Variants in FNDC3A observed in about 807,000 individuals in gnomAD.
FNDC3A encodes fibronectin type III domain containing 3A, also known as fibronectin type-III domain-containing protein 3A.
FNDC3A carries 32 observed loss-of-function variants against 148.9 expected under a neutral mutation model. The ratio of observed to expected loss-of-function variants is 0.21; its 90% CI spans 0.16 to 0.29. The LOEUF (loss-of-function observed/expected upper bound fraction) is 0.29. FNDC3A is among the 10% of genes least tolerant of loss of function. FNDC3A has a pLI of 1.00. For synonymous variants in FNDC3A, 472 were observed against 473.6 expected, an observed-to-expected ratio of 1.00 and a Z score of 0.04; for missense variants, 1,191 against 1,452.8, an observed-to-expected ratio of 0.82 and a Z score of 2.93.
At chr13:49,029,781 A>G (rs919114690) in intron 2 of FNDC3A, among the ~76,000 whole-genome samples, 2 of 152,220 alleles carry the variant, frequency 1.3e-5, no homozygotes, top group Non-Finnish European at 2.9e-5. Flanking sequence ...GAGAGTAGAC[A>G]TTACTACAGA....
chr13:49,145,887 TTCTGATCTCAAGTAC>T lies in FNDC3A; in HGVS notation c.931_945del (p.Leu311_Thr315del). The T allele has an allele frequency of 6.2e-7, 1 of 1,613,114 alleles. No individual in the cohort carries two copies. Among genetic ancestry groups the T allele is most frequent in the Non-Finnish European group, 8.5e-7 (1 of 1,179,348 alleles). On this transcript the variant is annotated inframe_deletion, in exon 8 of 26. Coordinates refer to ENST00000492622, the MANE Select transcript of FNDC3A (RefSeq NM_001079673.2). ...GTACCAGAGCTCTATGGTTATGAAG[TTCTGATCTCAAGTAC>T]TGGAAAAGATGGGAAATACAAAAGT...
At chr13:49,070,719 G>C (rs1040980013) in intron 2 of FNDC3A, among the ~76,000 whole-genome samples, 2 of 151,858 alleles carry the variant, frequency 1.3e-5, no homozygotes, top group Non-Finnish European at 2.9e-5. Context: ...CACCTTCCCA[G>C]CCTCCAGTAA....
At chr13:49,144,007 ACTACTG>A (rs1409702659) in intron 7 of FNDC3A, among the ~76,000 whole-genome samples, 6 of 149,792 alleles carry the variant, frequency 4.0e-5, no homozygotes, top group African/African-American at 1.2e-4. Flanking sequence ...TACTACTACT[ACTACTG>A]CTACTACTAC....
At chr13:49,083,083 A>G (rs1878584856) in intron 3 of FNDC3A, among the ~76,000 whole-genome samples, 3 of 152,312 alleles carry the variant, frequency 2.0e-5, no homozygotes, top group African/African-American at 7.2e-5. Context: ...TTAGGAAGTC[A>G]TCATCAATGC....
At chr13:49,000,974 G>A (rs1952113691) in intron 1 of FNDC3A, among the ~76,000 whole-genome samples, 1 of 151,922 alleles carries the variant, frequency 6.6e-6, no homozygotes, top group South Asian at 2.1e-4. Context: ...TTGTGTGTGT[G>A]TGTGTGTGTG....
At chr13:49,019,460 C>T (rs1380435110) in intron 2 of FNDC3A, among the ~76,000 whole-genome samples, 2 of 152,246 alleles carry the variant, frequency 1.3e-5, no homozygotes, top group African/African-American at 2.4e-5. Context: ...CCTGCTTCGG[C>T]TCACGCAGGG....
At chr13:49,044,867 G>T (rs1875238181) in intron 2 of FNDC3A, 1 of 327,140 alleles carries the variant, frequency 3.1e-6, no homozygotes, top group Admixed American at 4.2e-5. Context: ...TCAAAAACTT[G>T]ATTGTTCTTG....
At position 49,198,107 on chromosome 13, in the gene FNDC3A, T is replaced by C. The variant is rs749820322; in HGVS notation, c.2616T>C (p.Tyr872=). 1.4e-5 allele frequency: 22 copies of C among 1,614,070 alleles called. No individual in the cohort carries two copies. Among genetic ancestry groups the C allele is most frequent in the Non-Finnish European group, 1.7e-5 (20 of 1,180,034 alleles). The change falls in exon 22 of 26, where the codon TAT becomes TAC. Residue 872 remains tyrosine (Y), a synonymous_variant. Transcript: ENST00000492622. ...ISDDEIENPH[Y]SPSTCLAISW... The stretch of plus-strand genomic sequence containing the variant: ...ATGATGAGATAGAAAATCCCCATTA[T>C]TCACCTTCTACATGCCTTGCAATAA...
chr13:49,075,819 C>G (rs866671992), intron 3 of FNDC3A, among the ~76,000 whole-genome samples: 6 of 139,204 alleles, frequency 4.3e-5, no homozygotes, highest in African/African-American at 1.3e-4. Context: ...ACCCCCACCC[C>G]CACCCCCCCT....
chr13:49,062,978 T>G (rs1035881006), intron 2 of FNDC3A, among the ~76,000 whole-genome samples: 6 of 152,370 alleles, frequency 3.9e-5, no homozygotes, highest in African/African-American at 1.4e-4. Context: ...TTGTACTTAA[T>G]ATCAGTTTTA....
At chr13:49,051,701 T>C (rs1875855471) in intron 2 of FNDC3A, among the ~76,000 whole-genome samples, 4 of 152,214 alleles carry the variant, frequency 2.6e-5, no homozygotes, top group African/African-American at 9.6e-5. Flanking sequence ...GTACTTCTTG[T>C]ATTTGGTTGT....
chr13:49,064,422 C>G (rs929621813), intron 2 of FNDC3A, among the ~76,000 whole-genome samples: 1 of 33,234 alleles, frequency 3.0e-5, no homozygotes, highest in Non-Finnish European at 5.6e-5. Context: ...AAAAAAAAAA[C>G]AACAAGGGGT....
chr13:49,084,940 C>T (rs1186129003), intron 3 of FNDC3A, among the ~76,000 whole-genome samples: 1 of 152,068 alleles, frequency 6.6e-6, no homozygotes, highest in African/African-American at 2.4e-5. Flanking sequence ...CAGTTATTGT[C>T]AACTCCTCTA....
intron 1 of FNDC3A, among the ~76,000 whole-genome samples, chr13:48,978,071 AT>A (rs1951634487): frequency 6.6e-6 from 1 of 152,178 alleles, no homozygotes; most frequent in Non-Finnish European, 1.5e-5. Context: ...AATAATAAGC[AT>A]TAAAAAAAAC....
At chr13:48,995,147 T>C (rs767585759) in intron 1 of FNDC3A, among the ~76,000 whole-genome samples, 4 of 152,230 alleles carry the variant, frequency 2.6e-5, no homozygotes, top group Non-Finnish European at 5.9e-5. Context: ...ACTCCTGGAC[T>C]CAGGTGGTCC....
intron 3 of FNDC3A, among the ~76,000 whole-genome samples, chr13:49,111,247 C>T (rs1462332400): frequency 6.6e-6 from 1 of 152,118 alleles, no homozygotes; most frequent in African/African-American, 2.4e-5. Context: ...ATATGCAAGG[C>T]TTTAAGGTTT....
At chr13:49,044,293 T>A (rs1875183721) in intron 2 of FNDC3A, 1 of 177,498 alleles carries the variant, frequency 5.6e-6, no homozygotes, top group Non-Finnish European at 1.2e-5. Context: ...CAGAGTCTAT[T>A]ATTCCATGCT....
intron 1 of FNDC3A, among the ~76,000 whole-genome samples, chr13:49,004,537 T>C (rs1216973089): frequency 6.6e-6 from 1 of 152,040 alleles, no homozygotes; most frequent in East Asian, 1.9e-4. Context: ...CAGTCTCTAA[T>C]AGCACTAGTA....
At chr13:49,006,349 TA>T in intron 2 of FNDC3A, 60 bp downstream of exon 2, 1 of 896,720 alleles carries the variant, frequency 1.1e-6, no homozygotes, top group East Asian at 2.6e-5. Flanking sequence ...ATGCAAAATT[TA>T]AAACAGATCA....
Sources: gnomAD v4.1 joint callset for allele counts (sites outside exome capture counted in the v4.1 genomes callset) on GRCh38, gnomAD v4.1.1 for gene constraint, MANE v1.5 for transcripts, NCBI Gene and HGNC (gene_info 2026-07-23, HGNC 2026-07-21) for gene names.